The following TMEFF2 variants were observed in gnomAD, a reference collection of about 807,000 sequenced individuals.
TMEFF2 encodes the protein transmembrane protein with EGF like and two follistatin like domains 2.
A neutral mutation model predicts 53.8 loss-of-function variants in TMEFF2; 28 were observed. The ratio of observed to expected loss-of-function variants is 0.52; its 90% confidence interval spans 0.39 to 0.71. TMEFF2 has a LOEUF of 0.71. Ranked by LOEUF, TMEFF2 falls within the 30% of genes least tolerant of loss-of-function variation. The pLI, the probability that TMEFF2 is intolerant of heterozygous loss-of-function variation, is 0.00. For synonymous variants in TMEFF2, 162 were observed against 166.3 expected (o/e 0.97, Z 0.20); for missense variants, 353 against 455.2 (o/e 0.78, Z 2.04).
intron 4 of TMEFF2, among the ~76,000 whole-genome samples, chr2:192,142,415 T>C (rs1194756670): frequency 6.6e-6 from 1 of 152,166 alleles, no homozygotes; most frequent in East Asian, 1.9e-4. Flanking sequence ...TATACATTAA[T>C]CTTTATAAAA....
chr2:192,068,973 GT>G (rs543757728), intron 4 of TMEFF2, among the ~76,000 whole-genome samples: 231 of 143,362 alleles, frequency 1.6e-3, no homozygotes, highest in Admixed American at 2.4e-3. Flanking sequence ...CCCAGTTCCT[GT>G]TTTTTTTTTT....
chr2:192,074,498 G>A (rs1427474370), intron 4 of TMEFF2, among the ~76,000 whole-genome samples: 2 of 151,724 alleles, frequency 1.3e-5, no homozygotes, highest in Admixed American at 1.3e-4. Flanking sequence ...TAAAAGCAGT[G>A]TTTTAAATTA....
At chr2:192,092,653 C>T (rs927677676) in intron 4 of TMEFF2, among the ~76,000 whole-genome samples, 2 of 151,990 alleles carry the variant, frequency 1.3e-5, no homozygotes, top group African/African-American at 4.8e-5. Context: ...TGAGTAAGGA[C>T]TTTGAGATGG....
intron 7 of TMEFF2, among the ~76,000 whole-genome samples, chr2:191,982,359 T>A (rs1375447999): frequency 6.6e-6 from 1 of 152,128 alleles, no homozygotes; most frequent in Non-Finnish European, 1.5e-5. Flanking sequence ...CAGGTCTTCC[T>A]CCTGAGGATT....
intron 2 of TMEFF2, among the ~76,000 whole-genome samples, chr2:192,186,154 T>A (rs886496326): frequency 6.6e-6 from 1 of 152,192 alleles, no homozygotes; most frequent in African/African-American, 2.4e-5. Flanking sequence ...TGATTAGAGC[T>A]TTTCACTAAT....
chr2:192,070,647 T>C (rs1340641903), intron 4 of TMEFF2, among the ~76,000 whole-genome samples: 2 of 151,878 alleles, frequency 1.3e-5, no homozygotes, highest in Admixed American at 1.3e-4. Flanking sequence ...GATTTACACA[T>C]ATTTTATATC....
chr2:191,981,683 G>T (rs1685854288), intron 7 of TMEFF2, among the ~76,000 whole-genome samples: 2 of 152,110 alleles, frequency 1.3e-5, no homozygotes, highest in African/African-American at 4.8e-5. Flanking sequence ...AGTAACATGG[G>T]TTTCTGAATA....
At chr2:191,953,586 T>A (rs1574238727) in intron 9 of TMEFF2, 93 bp downstream of exon 9, 5 of 1,420,894 alleles carry the variant, frequency 3.5e-6, no homozygotes, top group Non-Finnish European at 3.8e-6. Context: ...GGCTGCAGAG[T>A]CCATGAAGGA....
intron 7 of TMEFF2, among the ~76,000 whole-genome samples, chr2:191,958,718 T>G (rs563244348): frequency 6.6e-6 from 1 of 152,360 alleles, no homozygotes; most frequent in East Asian, 1.9e-4. Context: ...CTAATTAGTT[T>G]ACACTATTCC....
At chr2:192,091,055 T>C (rs1305071059) in intron 4 of TMEFF2, among the ~76,000 whole-genome samples, 3 of 152,134 alleles carry the variant, frequency 2.0e-5, no homozygotes, top group South Asian at 4.1e-4. Flanking sequence ...TCAAGCTGCC[T>C]GCTCTTTCAC....
chr2:192,096,670 C>CTTTTTTTTTTTTTTTTTTTTTTTTTTTT (rs1179296312), intron 4 of TMEFF2, among the ~76,000 whole-genome samples: 1 of 53,702 alleles, frequency 1.9e-5, no homozygotes, highest in African/African-American at 1.4e-4. Flanking sequence ...CTCTCTCTCT[C>CTTTTTTTTTTTTTTTTTTTTTTTTTTTT]TTTTTTTTTT....
intron 4 of TMEFF2, among the ~76,000 whole-genome samples, chr2:192,153,841 T>C (rs893472445): frequency 9.9e-5 from 15 of 151,906 alleles, no homozygotes; most frequent in African/African-American, 3.6e-4. Flanking sequence ...AGATGGCTGA[T>C]GCCTACTTGG....
intron 4 of TMEFF2, among the ~76,000 whole-genome samples, chr2:192,159,032 A>T (rs1045786548): frequency 9.2e-5 from 14 of 152,062 alleles, no homozygotes; most frequent in East Asian, 3.9e-4. Context: ...TCACTCTCTC[A>T]AAGGACTAGA....
Position 192,158,633 on chromosome 2 carries a change from A to G in TMEFF2, c.439+21035T>C, listed in dbSNP as rs1212258180. Among the ~76,000 whole-genome samples, 6 of 152,074 alleles carry G rather than the reference A, an allele frequency of 3.9e-5. No individual in the cohort carries two copies. In the East Asian group the frequency reaches 1.2e-3, roughly 29 times the overall value. On this transcript the variant is annotated intron_variant, in intron 4 of 9. Coordinates refer to ENST00000272771, the MANE Select transcript of TMEFF2 (RefSeq NM_016192.4). Reference sequence around the variant, plus strand: ...TTTGTCTCCACTCTAGTTCCCTTACATTAGATGTTATTACTCCACACTTTA... The same window carrying G: ...TTTGTCTCCACTCTAGTTCCCTTACGTTAGATGTTATTACTCCACACTTTA...
In TMEFF2 at chr2:191,964,373, TC is replaced by T. The variant is rs1426740544; in HGVS notation, c.746-7996del. On this transcript the variant is annotated intron_variant, in intron 7 of 9. Coordinates refer to ENST00000272771, the MANE Select transcript of TMEFF2 (RefSeq NM_016192.4). Reference sequence around the variant, plus strand: ...CTTTCTTTCTTTCTTTCTTTCTTTCTCTTTCTTTCTTTCTTTCTTTCTTTCT... The same window carrying T: ...CTTTCTTTCTTTCTTTCTTTCTTTCTTTTCTTTCTTTCTTTCTTTCTTTCT... Among the ~76,000 whole-genome samples the T allele has an allele frequency of 3.7e-3, 29 of 7,790 alleles. 1 individual carries two copies. The East Asian group carries it at 0.047, about 12-fold the overall frequency. The allele number at this position is 7,790 out of a possible 152,430, so 5.1% of individuals were successfully genotyped here.
chr2:191,998,227 A>C, intron 7 of TMEFF2, 35 bp downstream of exon 7: 95 of 1,488,220 alleles, frequency 6.4e-5, no homozygotes, highest in Middle Eastern at 1.7e-4. Context: ...TTTTAATAGA[A>C]GAGCTCACAT....
Position 191,953,793 on chromosome 2 carries a change from T to C in TMEFF2, c.914A>G (p.Tyr305Cys). ...ACCGGGAACAACGTATAGAACACTG[T>C]AGTCCTTTTTTTCACAGTGTTGTCC... ...YTGQHCEKKD[Y>C]SVLYVVPGPV... is the part of the protein sequence containing the mutation. Residue 305 changes from tyrosine to cysteine, a missense_variant, in exon 9 of 10, where the codon TAC becomes TGC. Physicochemically the swap from Tyr to Cys is radical, Grantham distance 194 (BLOSUM62 -2). Around this residue, in one of 3 missense-constraint regions of TMEFF2, gnomAD observed 294 missense variants for 397.3 expected, o/e 0.74. Transcript: ENST00000272771. 6.2e-7 allele frequency: 1 copy of C among 1,613,644 alleles called. No individual in the cohort carries two copies. The highest frequency in any genetic ancestry group is 8.5e-7 in the Non-Finnish European group (1 of 1,179,834).
chr2:191,952,082 A>C (rs1691902169), intron 9 of TMEFF2, among the ~76,000 whole-genome samples: 1 of 152,202 alleles, frequency 6.6e-6, no homozygotes, highest in East Asian at 1.9e-4. Flanking sequence ...GTGTGAAGTC[A>C]GCAATTTGCC....
At chr2:192,130,931 C>T (rs1689809220) in intron 4 of TMEFF2, among the ~76,000 whole-genome samples, 3 of 151,640 alleles carry the variant, frequency 2.0e-5, no homozygotes, top group Admixed American at 6.6e-5. Context: ...GGCAGCCTTC[C>T]CTTGGTGTTT....
Sources: gnomAD v4.1 joint callset for allele counts (sites outside exome capture counted in the v4.1 genomes callset) on GRCh38, gnomAD v4.1.1 for gene constraint, gnomAD v4.1.1 regional missense constraint, MANE v1.5 for transcripts, NCBI Gene and HGNC (gene_info 2026-07-23, HGNC 2026-07-21) for gene names.